DNAH8: variants seen among roughly 807,000 people sequenced by gnomAD.
The protein encoded by DNAH8 is dynein axonemal heavy chain 8.
A neutral mutation model predicts 562.1 loss-of-function variants in DNAH8; 382 were observed. That is an observed-to-expected ratio of 0.68 (90% CI 0.63 to 0.74). The LOEUF (loss-of-function observed/expected upper bound fraction) is 0.74. Ranked by LOEUF, DNAH8 falls within the 30% of genes least tolerant of loss-of-function variation. The pLI, the probability that DNAH8 is intolerant of heterozygous loss-of-function variation, is 0.00. For synonymous variants in DNAH8, 1,881 were observed against 1,919.4 expected (o/e 0.98, Z 0.52); for missense variants, 5,203 against 5,620.4 (o/e 0.93, Z 2.37).
intron 80 of DNAH8, among the ~76,000 whole-genome samples, chr6:38,946,947 A>G (rs891419620): frequency 5.3e-5 from 8 of 152,160 alleles, no homozygotes; most frequent in Admixed American, 4.6e-4. Flanking sequence ...GATATTTATT[A>G]TTGTTTGCCT....
chr6:38,953,340 A>G (rs1762043892), intron 82 of DNAH8, among the ~76,000 whole-genome samples: 1 of 152,222 alleles, frequency 6.6e-6, no homozygotes, highest in Admixed American at 6.5e-5. Context: ...ATTCAACTAG[A>G]GTTACCATTT....
chr6:38,936,380 G>A (rs868661095), intron 77 of DNAH8: 1 of 152,124 alleles, frequency 6.6e-6, no homozygotes, highest in East Asian at 1.9e-4. Flanking sequence ...CTCAATTTGA[G>A]GATGTACTCT....
At chr6:39,029,811 A>G (rs1767548495) in intron 92 of DNAH8, among the ~76,000 whole-genome samples, 2 of 152,116 alleles carry the variant, frequency 1.3e-5, no homozygotes, top group Admixed American at 1.3e-4. Flanking sequence ...TCACCTCCCT[A>G]TAGAGGTGAT....
intron 82 of DNAH8, among the ~76,000 whole-genome samples, chr6:38,966,980 C>T (rs1397492213): frequency 6.6e-6 from 1 of 152,130 alleles, no homozygotes; most frequent in Non-Finnish European, 1.5e-5. Flanking sequence ...ACTCTTAATA[C>T]CTTGTCACTT....
chr6:39,017,753 G>A (rs1054870428), intron 91 of DNAH8, among the ~76,000 whole-genome samples: 1 of 152,164 alleles, frequency 6.6e-6, no homozygotes, highest in Non-Finnish European at 1.5e-5. Context: ...AATCCTGCTG[G>A]ATCAAAGAGA....
chr6:38,910,184 C>G (rs1030945988), intron 65 of DNAH8, among the ~76,000 whole-genome samples: 1 of 152,148 alleles, frequency 6.6e-6, no homozygotes, highest in Non-Finnish European at 1.5e-5. Context: ...CTTAGTCTTA[C>G]CAATGTTTCT....
intron 65 of DNAH8, 26 bp downstream of exon 65, chr6:38,909,770 C>T (rs777195408): frequency 1.2e-4 from 192 of 1,560,000 alleles, no homozygotes; most frequent in Non-Finnish European, 1.6e-4. Flanking sequence ...TAAGCACCAT[C>T]GCTATGGAAC....
In DNAH8 at chr6:38,931,931, A is replaced by G. The variant is rs778747433; in HGVS notation, c.11395A>G (p.Thr3799Ala). Residue 3799 changes from threonine (T) to alanine (A), a missense_variant, in exon 76 of 93, where the codon ACT (threonine) becomes GCT (alanine). By Grantham distance (58) the Thr-to-Ala change is moderately conservative. Transcript: ENST00000327475. ...INAKTSVIDF[T>A]VTMKGLENQL... ...TGCTAAAACGTCAGTCATTGATTTC[A>G]CTGTTACAATGAAAGGACTTGAGAA... is the stretch of plus-strand genomic sequence containing the variant. 1.2e-6 allele frequency: 2 copies of G among 1,611,134 alleles called. No homozygotes were observed. The highest frequency in any genetic ancestry group is 1.7e-6 in the Non-Finnish European group (2 of 1,178,912).
chr6:38,870,973 A>G (rs1229610246), intron 49 of DNAH8, among the ~76,000 whole-genome samples: 1 of 152,176 alleles, frequency 6.6e-6, no homozygotes, highest in East Asian at 1.9e-4. Flanking sequence ...TGGACATGTT[A>G]TATCCTTCAC....
intron 21 of DNAH8, among the ~76,000 whole-genome samples, chr6:38,802,205 G>A (rs1292728642): frequency 6.6e-6 from 1 of 152,058 alleles, no homozygotes; most frequent in Non-Finnish European, 1.5e-5. Context: ...AAAAGGGTTA[G>A]GATTACAGGT....
At chr6:38,999,685 C>A (rs867527130) in intron 88 of DNAH8, among the ~76,000 whole-genome samples, 80 of 151,790 alleles carry the variant, frequency 5.3e-4, no homozygotes, top group African/African-American at 1.8e-3. Context: ...AAGAAAAATA[C>A]AAGTAACTCT....
intron 43 of DNAH8, among the ~76,000 whole-genome samples, chr6:38,861,777 C>T (rs1417643412): frequency 6.6e-6 from 1 of 152,148 alleles, no homozygotes; most frequent in Non-Finnish European, 1.5e-5. Flanking sequence ...CATGATCCGC[C>T]CACCTCAGCT....
intron 1 of DNAH8, among the ~76,000 whole-genome samples, chr6:38,719,698 A>G (rs1021111858): frequency 9.9e-5 from 15 of 152,170 alleles, no homozygotes; most frequent in African/African-American, 3.4e-4. Flanking sequence ...TGATCATTAC[A>G]GCTCATTCCC....
chr6:38,966,206 A>C (rs1762961146), intron 82 of DNAH8, among the ~76,000 whole-genome samples: 1 of 152,230 alleles, frequency 6.6e-6, no homozygotes, highest in Non-Finnish European at 1.5e-5. Context: ...TCCTAAGGGA[A>C]TACTGTGAAC....
At chr6:38,987,703 A>C (rs976234905) in intron 87 of DNAH8, among the ~76,000 whole-genome samples, 3 of 152,008 alleles carry the variant, frequency 2.0e-5, no homozygotes, top group Non-Finnish European at 4.4e-5. Flanking sequence ...CAGTGGCTTC[A>C]ATTCTCTGAC....
intron 80 of DNAH8, among the ~76,000 whole-genome samples, chr6:38,946,970 T>C (rs1024006415): frequency 6.6e-6 from 1 of 152,166 alleles, no homozygotes; most frequent in Admixed American, 6.5e-5. Context: ...GCCAACTAGG[T>C]TTTAACTACT....
At chr6:38,943,527 T>C (rs773897935) in intron 79 of DNAH8, among the ~76,000 whole-genome samples, 7 of 152,220 alleles carry the variant, frequency 4.6e-5, no homozygotes, top group Non-Finnish European at 7.3e-5. Context: ...CTGCAATATT[T>C]GCAAGGTGCC....
At chr6:38,732,750 C>T (rs939316053) in intron 4 of DNAH8, among the ~76,000 whole-genome samples, 2 of 152,100 alleles carry the variant, frequency 1.3e-5, no homozygotes, top group African/African-American at 2.4e-5. Flanking sequence ...CTAGTTCTTA[C>T]ATGCCCACCT....
chr6:39,007,654 T>C (rs899463635), intron 88 of DNAH8, among the ~76,000 whole-genome samples: 3 of 152,180 alleles, frequency 2.0e-5, no homozygotes, highest in African/African-American at 7.2e-5. Flanking sequence ...GTCTGGCTCC[T>C]GCCTCTTCTC....
Sources: allele counts gnomAD v4.1 joint callset (sites outside exome capture counted in the v4.1 genomes callset), GRCh38; gene constraint gnomAD v4.1.1; transcripts MANE v1.5; gene names NCBI Gene and HGNC (gene_info 2026-07-23, HGNC 2026-07-21).